Variants in FERMT1 observed in about 807,000 individuals in gnomAD.
FERMT1 encodes the protein fermitin family homolog 1.
FERMT1 carries 60 observed loss-of-function variants against 85.3 expected under a neutral mutation model. The observed-to-expected ratio is 0.70, with a 90% CI of 0.57 to 0.87. FERMT1 has a LOEUF of 0.87. Among genes scored for constraint, FERMT1 ranks in the 40% least tolerant of loss-of-function variants. The pLI, the probability that FERMT1 is intolerant of heterozygous loss-of-function variation, is 0.00. For missense variants in FERMT1, 701 were observed against 818.9 expected, an observed-to-expected ratio of 0.86 and a Z score of 1.76; for synonymous variants, 275 against 301.1, an observed-to-expected ratio of 0.91 and a Z score of 0.90.
intron 9 of FERMT1, among the ~76,000 whole-genome samples, chr20:6,092,839 A>G (rs1270061158): frequency 6.6e-6 from 1 of 152,102 alleles, no homozygotes; most frequent in Non-Finnish European, 1.5e-5. Flanking sequence ...ACCTGTCTCT[A>G]TTCCCTAAAT....
At chr20:6,078,642 T>TTG (rs1568651712) in intron 14 of FERMT1, among the ~76,000 whole-genome samples, 2 of 137,218 alleles carry the variant, frequency 1.5e-5, no homozygotes, top group African/African-American at 5.4e-5. Context: ...CGTTTTTTTT[T>TTG]TTTGTTTTTT....
At chr20:6,096,354 G>T (rs1337218735) in intron 8 of FERMT1, among the ~76,000 whole-genome samples, 1 of 152,076 alleles carries the variant, frequency 6.6e-6, no homozygotes, top group Non-Finnish European at 1.5e-5. Flanking sequence ...GGCAAACCTT[G>T]TCTCTACAAA....
At chr20:6,107,668 T>A in intron 5 of FERMT1, 34 bp from the exon 6 acceptor site, 1 of 1,158,270 alleles carries the variant, frequency 8.6e-7, no homozygotes, top group South Asian at 1.2e-5. Flanking sequence ...TAGAAGCCAG[T>A]CAATTTTACA....
At chr20:6,095,564 T>C (rs937713296) in intron 8 of FERMT1, among the ~76,000 whole-genome samples, 3 of 152,238 alleles carry the variant, frequency 2.0e-5, no homozygotes, top group Non-Finnish European at 4.4e-5. Context: ...TAATGTAGGC[T>C]GGTGCCTGTT....
rs1982914051 is a variant in FERMT1 at position 6,110,400 on chromosome 20, T to A, written c.644A>T (p.Asn215Ile). 2 of 1,614,026 alleles carry A rather than the reference T, an allele frequency of 1.2e-6. No homozygotes were observed. Among genetic ancestry groups the A allele is most frequent in the East Asian group, 2.2e-5 (1 of 44,874 alleles). ...WFSDSPLTEQ[N>I]CSILAFSQPP... ...TTGGCTGAATGCGAGGATGCTGCAG[T>A]TTTGTTCCGTCAAAGGGCTGTCACT... The change falls in exon 5 of 15, where the codon AAC (asparagine) becomes ATC (isoleucine). Residue 215 changes from asparagine (N) to isoleucine (I), a missense_variant. Physicochemically the swap from Asn to Ile is moderately radical, Grantham distance 149. Transcript: ENST00000217289.
chr20:6,109,614 C>T lies in FERMT1; in HGVS notation c.746+684G>A, dbSNP rs183147373. Among the ~76,000 whole-genome samples, 203 of 152,200 alleles carry T rather than the reference C, an allele frequency of 1.3e-3. 2 individuals are homozygous for T. Among genetic ancestry groups the T allele is most frequent in the Non-Finnish European group, 2.4e-3 (163 of 67,984 alleles). On this transcript the variant is annotated intron_variant, in intron 5 of 14. Coordinates refer to ENST00000217289, the MANE Select transcript of FERMT1 (RefSeq NM_017671.5). Reference sequence around the variant, plus strand: ...TCATTAGAATGCCTAAAGAGAAGAGCGACAGCTGGGCGCGGTGGCTCATGC... The same window carrying T: ...TCATTAGAATGCCTAAAGAGAAGAGTGACAGCTGGGCGCGGTGGCTCATGC...
intron 6 of FERMT1, among the ~76,000 whole-genome samples, chr20:6,101,895 A>T (rs1982668643): frequency 6.6e-6 from 1 of 152,182 alleles, no homozygotes; most frequent in Non-Finnish European, 1.5e-5. Flanking sequence ...ACCTCAGACA[A>T]TCCACCTGCC....
intron 9 of FERMT1, among the ~76,000 whole-genome samples, chr20:6,091,126 G>A (rs1048162563): frequency 9.2e-5 from 14 of 151,448 alleles, no homozygotes; most frequent in Admixed American, 4.0e-4. Context: ...TCACGCCACC[G>A]CACTCCAGCT....
intron 14 of FERMT1, among the ~76,000 whole-genome samples, chr20:6,077,997 A>C (rs1224577418): frequency 6.6e-6 from 1 of 152,190 alleles, no homozygotes; most frequent in Admixed American, 6.5e-5. Flanking sequence ...TCTTTAATGA[A>C]TAAAAGTCTG....
intron 6 of FERMT1, 35 bp downstream of exon 6, chr20:6,107,496 TA>T (rs1568662547): frequency 7.7e-7 from 1 of 1,306,064 alleles, no homozygotes; most frequent in Admixed American, 1.7e-5. Flanking sequence ...GCATTCATAT[TA>T]AAAAGAGAAA....
chr20:6,077,225 T>C lies in FERMT1; in HGVS notation c.1982A>G (p.Asn661Ser), dbSNP rs1357570688. ...IFLSTRSKDQ[N>S]ETLDEDLFHK... is the part of the protein sequence containing the mutation. ...GAACAAGTCCTCATCGAGTGTTTCA[T>C]TCTGGTCCTTGGAGCGGGTGGACAA... Residue 661 changes from asparagine (N) to serine (S), a missense_variant, in exon 15 of 15, where the codon AAT becomes AGT. Transcript: ENST00000217289. 1.5e-5 allele frequency: 25 copies of C among 1,614,078 alleles called. No individual in the cohort carries two copies. Among genetic ancestry groups the C allele is most frequent in the African/African-American group, 6.7e-5 (5 of 74,926 alleles).
intron 6 of FERMT1, among the ~76,000 whole-genome samples, chr20:6,103,161 C>G (rs1332575871): frequency 6.6e-6 from 1 of 152,060 alleles, no homozygotes; most frequent in African/African-American, 2.4e-5. Context: ...AAAAGTTAGT[C>G]CCCCTCTCTA....
rs116039556 is a variant in FERMT1 at position 6,102,152 on chromosome 20, C to G, written c.850-4521G>C. Among the ~76,000 whole-genome samples, 444 of 152,174 alleles carry G rather than the reference C, an allele frequency of 2.9e-3. 2 individuals are homozygous for G. Among genetic ancestry groups the G allele is most frequent in the African/African-American group, 0.01 (430 of 41,524 alleles). On this transcript the variant is annotated intron_variant, in intron 6 of 14. Transcript: ENST00000217289. ...CAGCAATACTCCTGCCTCAGCCTCCCTAGTAGCTGGGAGTTCCCTCTCTGG... is the reference window on the plus strand; with the variant it reads ...CAGCAATACTCCTGCCTCAGCCTCCGTAGTAGCTGGGAGTTCCCTCTCTGG...
chr20:6,102,679 GAAAA>G (rs769578429), intron 6 of FERMT1, among the ~76,000 whole-genome samples: 836 of 50,750 alleles, frequency 0.016, 5 homozygotes, highest in African/African-American at 0.053. Context: ...TGTGTCTCAA[GAAAA>G]AAAAAAAAAA....
rs948247638 is a variant in FERMT1 at position 6,104,632 on chromosome 20, G to A, written c.849+2900C>T. ...TCTGTGTGGCTGTTAGATTCAAATCGGTTTCACTTTTTAGGCTATGAAGAG... is the reference window on the plus strand; with the variant it reads ...TCTGTGTGGCTGTTAGATTCAAATCAGTTTCACTTTTTAGGCTATGAAGAG... On this transcript the variant is annotated intron_variant, in intron 6 of 14. Coordinates refer to ENST00000217289, the MANE Select transcript of FERMT1 (RefSeq NM_017671.5). The surrounding 1 kb of genome is among the most constrained non-coding windows in gnomAD (Gnocchi z 4.2). Among the ~76,000 whole-genome samples, 22 of 152,096 alleles carry A rather than the reference G, an allele frequency of 1.4e-4. No homozygotes were observed. The highest frequency in any genetic ancestry group is 5.3e-4 in the African/African-American group (22 of 41,422).
chr20:6,096,798 T>C, intron 8 of FERMT1, 104 bp downstream of exon 8: 1 of 1,039,862 alleles, frequency 9.6e-7, no homozygotes, highest in Non-Finnish European at 1.4e-6. Context: ...TTTTTTTTTT[T>C]TTTCAAAATC....
intron 9 of FERMT1, among the ~76,000 whole-genome samples, chr20:6,092,583 C>T (rs1982398857): frequency 6.6e-6 from 1 of 152,176 alleles, no homozygotes; most frequent in African/African-American, 2.4e-5. Context: ...GTGACACAGC[C>T]TTGGCTCTGA....
chr20:6,080,240 A>G (rs569610218), intron 13 of FERMT1, among the ~76,000 whole-genome samples: 4 of 152,216 alleles, frequency 2.6e-5, no homozygotes, highest in African/African-American at 9.6e-5. Flanking sequence ...TGAGTTCAAG[A>G]GCAAAGGTCT....
At chr20:6,106,465 G>T (rs1374011709) in intron 6 of FERMT1, among the ~76,000 whole-genome samples, 1 of 152,220 alleles carries the variant, frequency 6.6e-6, no homozygotes, top group African/African-American at 2.4e-5. Flanking sequence ...TCCTCCAAGT[G>T]TCTGGCAGTA....
Sources: allele counts gnomAD v4.1 joint callset (sites outside exome capture counted in the v4.1 genomes callset), GRCh38; gene constraint gnomAD v4.1.1; non-coding constraint Gnocchi (gnomAD v3.1); transcripts MANE v1.5; gene names NCBI Gene and HGNC (gene_info 2026-07-23, HGNC 2026-07-21).